The following MCFD2 variants were observed in gnomAD, a reference collection of about 807,000 sequenced individuals.
The protein encoded by MCFD2 is multiple coagulation factor deficiency 2, ER cargo receptor complex subunit.
A neutral mutation model predicts 12.8 loss-of-function variants in MCFD2; 11 were observed. That is an observed-to-expected ratio of 0.86 (90% CI 0.54 to 1.42). MCFD2 has a LOEUF of 1.42. Ranked by LOEUF, MCFD2 falls within the 40% of genes most tolerant of loss-of-function variation. MCFD2 has a pLI of 0.00. For missense variants in MCFD2, 191 were observed against 178.6 expected (o/e 1.07, Z -0.40); for synonymous variants, 70 against 68.1 (o/e 1.03, Z -0.14).
intron 1 of MCFD2, among the ~76,000 whole-genome samples, chr2:46,924,329 T>G (rs1429321539): frequency 6.6e-6 from 1 of 152,068 alleles, no homozygotes; most frequent in Non-Finnish European, 1.5e-5. Flanking sequence ...TCTTCCCTTC[T>G]CTCCACTAAG....
chr2:46,907,469 C>T lies in MCFD2; in HGVS notation c.309+341G>A, dbSNP rs892843679. On this transcript the variant is annotated intron_variant, in intron 3 of 3. Transcript: ENST00000319466. The surrounding 1 kb of genome is among the most constrained non-coding windows in gnomAD (Gnocchi z 4.1). Reference sequence around the variant, plus strand: ...GCATGATTATGGCTCACTATAGCCTCGACATCCTGGACTCAAGCAATCCTC... The same window carrying T: ...GCATGATTATGGCTCACTATAGCCTTGACATCCTGGACTCAAGCAATCCTC... The T allele has an allele frequency of 1.1e-5, 4 of 355,174 alleles. No homozygotes were observed. Among genetic ancestry groups the T allele is most frequent in the Non-Finnish European group, 2.2e-5 (4 of 183,122 alleles). The allele number at this position is 355,174 out of a possible 1,614,324, so 22.0% of individuals were successfully genotyped here.
rs1301089912 is a variant in MCFD2 at position 46,908,770 on chromosome 2, G to GAA, written c.149+251_149+252dup. 1.9e-5 allele frequency: 10 copies of GAA among 539,252 alleles called. No homozygotes were observed. The Admixed American group carries it at 2.1e-4, about 12-fold the overall frequency. The allele number at this position is 539,252 out of a possible 1,614,324, so 33.4% of individuals were successfully genotyped here. A position where few individuals can be genotyped will look rare whatever the true frequency, so the allele number is the denominator to read the frequency against. On this transcript the variant is annotated intron_variant, in intron 2 of 3. Coordinates refer to ENST00000319466, the MANE Select transcript of MCFD2 (RefSeq NM_139279.6). This position sits in a 1 kb window ranked among gnomAD's most constrained non-coding sequence, Gnocchi z 4.5. ...GTATGTGTGTGTGTCTGTCTGTGGT[G>GAA]AAAAAAAGGAGAGACCGGATTCAGA...
intron 1 of MCFD2, chr2:46,910,850 G>A (rs1668457971): frequency 1.3e-5 from 2 of 152,478 alleles, no homozygotes. Flanking sequence ...GATCAGCCTA[G>A]ACAACACAGT....
At position 46,941,358 on chromosome 2, in the gene MCFD2, C is replaced by CTGCTGG. The variant is rs1295723361; in HGVS notation, c.-8+208_-8+213dup. ...GAGGCGCCGGGCGGTGCGCTGGGAG[C>CTGCTGG]TGCTGGTGCTGCTGCTGCTGCTGCT... On this transcript the variant is annotated intron_variant, in intron 1 of 2. Coordinates refer to the MCFD2 transcript ENST00000409147. The surrounding 1 kb of genome is among the most constrained non-coding windows in gnomAD (Gnocchi z 4.2). 1 of 350,248 alleles carries CTGCTGG rather than the reference C, an allele frequency of 2.9e-6. No individual in the cohort carries two copies. Among genetic ancestry groups the CTGCTGG allele is most frequent in the Non-Finnish European group, 4.4e-6 (1 of 227,744 alleles). 21.7% of individuals were successfully genotyped at this position (350,248 alleles called of 1,614,324 possible).
chr2:46,923,039 G>C (rs1669186881), intron 1 of MCFD2, among the ~76,000 whole-genome samples: 1 of 152,170 alleles, frequency 6.6e-6, no homozygotes, highest in Non-Finnish European at 1.5e-5. Flanking sequence ...GAGATACATA[G>C]GGTGAGGTCT....
Position 46,941,816 on chromosome 2 carries a change from C to T in MCFD2, c.-252G>A, listed in dbSNP as rs1451234343. ...GCGCGCCCAGACAGTCCTCGGCCGA[C>T]AGCGGGCGCCTGCCAGCCCACCGTG... On this transcript the variant is annotated 5_prime_UTR_variant, in exon 1 of 3. Transcript: ENST00000409147. This position sits in a 1 kb window ranked among gnomAD's most constrained non-coding sequence, Gnocchi z 4.2. 8.1e-6 allele frequency: 12 copies of T among 1,489,438 alleles called. No individual in the cohort carries two copies. In the African/African-American group the frequency reaches 1.4e-4, roughly 17 times the overall value. 92.3% of individuals were successfully genotyped at this position (1,489,438 alleles called of 1,614,324 possible). A position where few individuals can be genotyped will look rare whatever the true frequency, so the allele number is the denominator to read the frequency against.
rs921489609 is a variant in MCFD2 at position 46,902,699 on chromosome 2, C to A, written c.*2764G>T. 6.6e-6 allele frequency: 1 copy of A among 152,520 alleles called. No homozygotes were observed. Among genetic ancestry groups the A allele is most frequent in the African/African-American group, 2.4e-5 (1 of 41,436 alleles). The allele number at this position is 152,520 out of a possible 1,614,324, so 9.4% of individuals were successfully genotyped here. A position where few individuals can be genotyped will look rare whatever the true frequency, so the allele number is the denominator to read the frequency against. ...CAGAATCTCAGACTCTGTGGCTAGG[C>A]TGACATTCTTATGCTGTGGCTTTGA... is the stretch of plus-strand genomic sequence containing the variant. On this transcript the variant is annotated 3_prime_UTR_variant, in exon 4 of 4. Transcript: ENST00000319466.
chr2:46,936,661 A>T (rs907090995), intron 1 of MCFD2, among the ~76,000 whole-genome samples: 2 of 152,064 alleles, frequency 1.3e-5, no homozygotes, highest in African/African-American at 4.8e-5. Flanking sequence ...CTGTCACCCA[A>T]ATGTGTACAC....
chr2:46,932,155 T>C (rs1669740004), intron 1 of MCFD2, among the ~76,000 whole-genome samples: 1 of 133,660 alleles, frequency 7.5e-6, no homozygotes, highest in South Asian at 2.1e-4. Context: ...CTGGGATTCT[T>C]TTTTTTTTTT....
chr2:46,929,882 A>G (rs72886682), intron 1 of MCFD2, among the ~76,000 whole-genome samples: 4,193 of 152,322 alleles, frequency 0.028, 113 homozygotes, highest in African/African-American at 0.067. Context: ...AAGAATCAAC[A>G]TATGGTTCAC....
intron 1 of MCFD2, among the ~76,000 whole-genome samples, chr2:46,931,273 A>G (rs924123874): frequency 2.0e-5 from 3 of 152,238 alleles, no homozygotes; most frequent in African/African-American, 4.8e-5. Context: ...TTAAATATAG[A>G]CAGGGTCTGG....
intron 1 of MCFD2, among the ~76,000 whole-genome samples, chr2:46,934,586 A>G (rs1669870818): frequency 6.6e-6 from 1 of 151,902 alleles, no homozygotes; most frequent in African/African-American, 2.4e-5. Flanking sequence ...TGACTTTTCA[A>G]TAGATAGACT....
rs1020919541 is a variant in MCFD2, at chr2:46,908,638, A to G, written c.149+385T>C. The G allele has an allele frequency of 2.8e-5, 9 of 319,254 alleles. No individual in the cohort carries two copies. The highest frequency in any genetic ancestry group is 8.6e-5 in the African/African-American group (4 of 46,276). 19.8% of individuals were successfully genotyped at this position (319,254 alleles called of 1,614,324 possible). On this transcript the variant is annotated intron_variant, in intron 2 of 3. Transcript: ENST00000319466. This position sits in a 1 kb window ranked among gnomAD's most constrained non-coding sequence, Gnocchi z 4.5. Reference sequence around the variant, plus strand: ...GACAAAAGCTGCAACAAATGATTCAATGTTTGAATGTGTTGATTTAAAAAA... The same window carrying G: ...GACAAAAGCTGCAACAAATGATTCAGTGTTTGAATGTGTTGATTTAAAAAA...
chr2:46,908,864 G>T lies in MCFD2; in HGVS notation c.149+159C>A. 1 of 937,962 alleles carries T rather than the reference G, an allele frequency of 1.1e-6. No individual in the cohort carries two copies. The highest frequency in any genetic ancestry group is 1.7e-6 in the Non-Finnish European group (1 of 597,012). The allele number at this position is 937,962 out of a possible 1,614,324, so 58.1% of individuals were successfully genotyped here. ...ATACAATGATGAAAAAAGAATACCTGACTTATAGGTGGCAATAAGGAATAA... is the reference window on the plus strand; with the variant it reads ...ATACAATGATGAAAAAAGAATACCTTACTTATAGGTGGCAATAAGGAATAA... On this transcript the variant is annotated intron_variant, in intron 2 of 3. Transcript: ENST00000319466. The surrounding 1 kb of genome is among the most constrained non-coding windows in gnomAD (Gnocchi z 4.5).
chr2:46,905,060 T>C lies in MCFD2; in HGVS notation c.*403A>G. On this transcript the variant is annotated 3_prime_UTR_variant, in exon 4 of 4. Transcript: ENST00000319466. ...CTTATCAGGGGTTTCCACTTTTGCT[T>C]CTTCCTCATTTTCTCTTGCTGCCAT... The C allele has an allele frequency of 3.1e-6, 1 of 320,876 alleles. No individual in the cohort carries two copies. The highest frequency in any genetic ancestry group is 5.9e-6 in the Non-Finnish European group (1 of 170,112). The allele number at this position is 320,876 out of a possible 1,614,324, so 19.9% of individuals were successfully genotyped here.
rs1221772963 is a variant in MCFD2 at position 46,907,949 on chromosome 2, T to C, written c.170A>G (p.Glu57Gly). ...HDQEHIMEHL[E>G]GVINKPEAEM... ...CGCCTCTGGTTTGTTGATGACACCTTCTAGATGCTCCATGATATGCCTAAA... is the reference window on the plus strand; with the variant it reads ...CGCCTCTGGTTTGTTGATGACACCTCCTAGATGCTCCATGATATGCCTAAA... Residue 57 changes from glutamate to glycine, a missense_variant, in exon 3 of 4, where the codon GAA becomes GGA. Glu to Gly is a moderately conservative substitution (Grantham distance 98). Coordinates refer to ENST00000319466, the MANE Select transcript of MCFD2 (RefSeq NM_139279.6). This position sits in a 1 kb window ranked among gnomAD's most constrained non-coding sequence, Gnocchi z 4.1. 1 of 1,614,082 alleles carries C rather than the reference T, an allele frequency of 6.2e-7. No homozygotes were observed. The highest frequency in any genetic ancestry group is 8.5e-7 in the Non-Finnish European group (1 of 1,180,044).
At chr2:46,935,093 C>T (rs958516292) in intron 1 of MCFD2, among the ~76,000 whole-genome samples, 2 of 152,056 alleles carry the variant, frequency 1.3e-5, no homozygotes, top group Admixed American at 6.5e-5. Flanking sequence ...GCCACCACGC[C>T]GAGCCCTAAG....
At chr2:46,911,424 G>A (rs372622213) in intron 1 of MCFD2, among the ~76,000 whole-genome samples, 12 of 149,752 alleles carry the variant, frequency 8.0e-5, no homozygotes, top group Admixed American at 5.3e-4. Flanking sequence ...CACCGTGCCC[G>A]GCCACCTCAG....
intron 1 of MCFD2, among the ~76,000 whole-genome samples, chr2:46,931,092 T>G (rs1012901165): frequency 2.0e-4 from 30 of 152,218 alleles, no homozygotes; most frequent in Non-Finnish European, 5.9e-5. Context: ...TTGATCAATG[T>G]GATAGACAGA....
Sources: gnomAD v4.1 joint callset for allele counts (sites outside exome capture counted in the v4.1 genomes callset) on GRCh38, gnomAD v4.1.1 for gene constraint, Gnocchi (gnomAD v3.1) non-coding constraint, MANE v1.5 for transcripts, NCBI Gene and HGNC (gene_info 2026-07-23, HGNC 2026-07-21) for gene names.